The following CSNK1D variants were observed in gnomAD, a reference collection of about 807,000 sequenced individuals.
CSNK1D encodes casein kinase I isoform delta.
In CSNK1D, 16 loss-of-function variants were observed where a neutral mutation model predicts 46.6. That is an observed-to-expected ratio of 0.34 (90% CI 0.23 to 0.52). The LOEUF (loss-of-function observed/expected upper bound fraction) is 0.52. CSNK1D is among the 20% of genes least tolerant of loss of function. CSNK1D has a pLI of 0.95. For synonymous variants in CSNK1D, 276 were observed against 228.2 expected, an observed-to-expected ratio of 1.21 and a Z score of -1.89; for missense variants, 398 against 578.4, an observed-to-expected ratio of 0.69 and a Z score of 3.20.
intron 2 of CSNK1D, among the ~76,000 whole-genome samples, chr17:82,261,326 G>A (rs140014697): frequency 1.1e-3 from 170 of 152,232 alleles, no homozygotes; most frequent in Middle Eastern, 3.4e-3. Flanking sequence ...GTGCTGTCAC[G>A]GTGGGAAGCG....
Position 82,244,221 on chromosome 17 carries a change from C to A in CSNK1D, c.*560G>T. 9.5e-7 allele frequency: 1 copy of A among 1,052,096 alleles called. No individual in the cohort carries two copies. Among genetic ancestry groups the A allele is most frequent in the Non-Finnish European group, 1.2e-6 (1 of 868,480 alleles). The allele number at this position is 1,052,096 out of a possible 1,614,324, so 65.2% of individuals were successfully genotyped here. On this transcript the variant is annotated 3_prime_UTR_variant, in exon 9 of 9. Transcript: ENST00000314028. The stretch of plus-strand genomic sequence containing the variant: ...AACACTGCAAAACAAACACAGCACA[C>A]ACCCTTGAGATCCACCTGCACCTTC...
chr17:82,262,377 C>T (rs2051361958), intron 2 of CSNK1D, among the ~76,000 whole-genome samples: 1 of 152,202 alleles, frequency 6.6e-6, no homozygotes, highest in South Asian at 2.1e-4. Context: ...GGCTGAAGAG[C>T]TCAGTACCCA....
In CSNK1D at chr17:82,252,213, C is replaced by G. The variant is rs367600264; in HGVS notation, c.736+221G>C. Among the ~76,000 whole-genome samples the G allele has an allele frequency of 1.6e-4, 25 of 152,330 alleles. No individual in the cohort carries two copies. In the East Asian group the frequency reaches 4.0e-3, roughly 25 times the overall value. On this transcript the variant is annotated intron_variant, in intron 5 of 8. Coordinates refer to ENST00000314028, the MANE Select transcript of CSNK1D (RefSeq NM_001893.6). This position sits in a 1 kb window ranked among gnomAD's most constrained non-coding sequence, Gnocchi z 4.6. Reference sequence around the variant, plus strand: ...TTGCCTGCCATCTCTCCAGGGCCTCCAAGTACTCCCCACGCTGATGGGCAC... The same window carrying G: ...TTGCCTGCCATCTCTCCAGGGCCTCGAAGTACTCCCCACGCTGATGGGCAC...
In CSNK1D at chr17:82,251,295, C is replaced by A; in HGVS notation, c.885+84G>T. The A allele has an allele frequency of 1.3e-6, 2 of 1,538,114 alleles. No individual in the cohort carries two copies. The highest frequency in any genetic ancestry group is 9.0e-7 in the Non-Finnish European group (1 of 1,115,892). ...AGACACTCCCTATATGGTACAGCCC[C>A]TCAACAAGACGGCCGCCGGCCTCTC... On this transcript the variant is annotated intron_variant, in intron 6 of 8. Coordinates refer to ENST00000314028, the MANE Select transcript of CSNK1D (RefSeq NM_001893.6). The surrounding 1 kb of genome is among the most constrained non-coding windows in gnomAD (Gnocchi z 4.5).
At chr17:82,272,788 C>A (rs902083427) in intron 1 of CSNK1D, among the ~76,000 whole-genome samples, 1 of 152,246 alleles carries the variant, frequency 6.6e-6, no homozygotes, top group Non-Finnish European at 1.5e-5. Context: ...CAGCCCCGGA[C>A]CGGGCTGCGG....
chr17:82,253,806 C>T (rs2051079119), intron 3 of CSNK1D: 4 of 272,430 alleles, frequency 1.5e-5, no homozygotes, highest in South Asian at 3.0e-5. Flanking sequence ...GCTGAGCCGC[C>T]GGAGCCTCGA....
At chr17:82,242,345 C>T (rs1384139341), downstream of CSNK1D, among the ~76,000 whole-genome samples, 19 of 152,228 alleles carry the variant, frequency 1.2e-4, no homozygotes, top group Non-Finnish European at 2.5e-4. Flanking sequence ...AAGGGACATG[C>T]GCTCACCCCA....
downstream of CSNK1D, chr17:82,239,928 AGCAGTGGCCT>A: frequency 8.8e-7 from 1 of 1,131,156 alleles, no homozygotes; most frequent in Non-Finnish European, 1.1e-6. Flanking sequence ...CCTCGTGGCC[AGCAGTGGCCT>A]GCGTGGCTGG....
intron 2 of CSNK1D, among the ~76,000 whole-genome samples, chr17:82,259,105 T>C (rs535545224): frequency 1.4e-4 from 22 of 152,360 alleles, no homozygotes; most frequent in South Asian, 1.0e-3. Flanking sequence ...TCTCTGAACA[T>C]AGAGGAGAAT....
rs1224836470 is a variant in CSNK1D, at chr17:82,244,633, CCCA to C, written c.*145_*147del. On this transcript the variant is annotated 3_prime_UTR_variant, in exon 9 of 9. Coordinates refer to ENST00000314028, the MANE Select transcript of CSNK1D (RefSeq NM_001893.6). ...GAGTCTGTCCGTTTAGTATGTTTCC[CCCA>C]CGAGCGTCGCTGGGTGAGTGGCCTG... 3.9e-6 allele frequency: 6 copies of C among 1,539,432 alleles called. No individual in the cohort carries two copies. The highest frequency in any genetic ancestry group is 4.4e-6 in the Non-Finnish European group (5 of 1,147,946).
chr17:82,273,333 T>C lies in CSNK1D; in HGVS notation c.49A>G (p.Ser17Gly). The change falls in exon 1 of 9, where the codon AGC (serine) becomes GGC (glycine). Residue 17 changes from serine (S) to glycine (G), a missense_variant. Ser to Gly is a moderately conservative substitution (Grantham distance 56). Around this residue, in one of 2 missense-constraint regions of CSNK1D, gnomAD observed 217 missense variants for 370.3 expected, o/e 0.59. Transcript: ENST00000314028. This position sits in a 1 kb window ranked among gnomAD's most constrained non-coding sequence, Gnocchi z 5.1. ...AGATAGATGTCTCCGAAGGAGCCGCTGCCGATCTTCCGGCCCAGCCGGTAC... is the reference window on the plus strand; with the variant it reads ...AGATAGATGTCTCCGAAGGAGCCGCCGCCGATCTTCCGGCCCAGCCGGTAC... ...NRYRLGRKIG[S>G]GSFGDIYLGT... 1 of 1,609,460 alleles carries C rather than the reference T, an allele frequency of 6.2e-7. No homozygotes were observed.
chr17:82,259,727 T>C (rs1336237554), intron 2 of CSNK1D, among the ~76,000 whole-genome samples: 1 of 152,218 alleles, frequency 6.6e-6, no homozygotes, highest in Non-Finnish European at 1.5e-5. Context: ...TACAGCTATG[T>C]AGATGATCAA....
Position 82,252,580 on chromosome 17 carries a change from T to G in CSNK1D, c.590A>C (p.Glu197Ala). 2 of 1,613,798 alleles carry G rather than the reference T, an allele frequency of 1.2e-6. No individual in the cohort carries two copies. Among genetic ancestry groups the G allele is most frequent in the Non-Finnish European group, 1.7e-6 (2 of 1,179,988 alleles). Reference sequence around the variant, plus strand: ...GTACATTAGCACGTAGCCCAGAGACTCCAAGTCATCTCTTCGGGATTGTTC... The same window carrying G: ...GTACATTAGCACGTAGCCCAGAGACGCCAAGTCATCTCTTCGGGATTGTTC... ...GIEQSRRDDL[E>A]SLGYVLMYFN... is the part of the protein sequence containing the mutation. The change falls in exon 5 of 9, where the codon GAG becomes GCG. Residue 197 changes from glutamate (E) to alanine (A), a missense_variant. Glu to Ala is a moderately radical substitution (Grantham distance 107). Transcript: ENST00000314028. This position sits in a 1 kb window ranked among gnomAD's most constrained non-coding sequence, Gnocchi z 4.6.
At chr17:82,262,099 T>G (rs1380367049) in intron 2 of CSNK1D, among the ~76,000 whole-genome samples, 2 of 152,250 alleles carry the variant, frequency 1.3e-5, no homozygotes, top group East Asian at 3.8e-4. Flanking sequence ...TAGGTGTCTA[T>G]CCAAATCTTC....
At chr17:82,254,473 A>G in intron 3 of CSNK1D, 1 of 274,038 alleles carries the variant, frequency 3.6e-6, no homozygotes, top group Non-Finnish European at 6.7e-6. Flanking sequence ...TGGAGAAGCC[A>G]GTGCGCTGAG....
chr17:82,252,710 C>T lies in CSNK1D; in HGVS notation c.566-106G>A. On this transcript the variant is annotated intron_variant, in intron 4 of 8. Transcript: ENST00000314028. This position sits in a 1 kb window ranked among gnomAD's most constrained non-coding sequence, Gnocchi z 4.6. ...GGAGACTAGCCTCAGACACACATGC[C>T]CAGATCACTCCAGCTGGCACTTCCA... 8.7e-7 allele frequency: 1 copy of T among 1,148,150 alleles called. No homozygotes were observed. The highest frequency in any genetic ancestry group is 1.3e-6 in the Non-Finnish European group (1 of 791,114). The allele number at this position is 1,148,150 out of a possible 1,614,324, so 71.1% of individuals were successfully genotyped here.
chr17:82,242,161 G>A (rs2050749129), downstream of CSNK1D, among the ~76,000 whole-genome samples: 1 of 148,698 alleles, frequency 6.7e-6, no homozygotes, highest in Non-Finnish European at 1.5e-5. Flanking sequence ...CCCTGCTCTG[G>A]CAGCCTGACA....
chr17:82,265,334 A>C, intron 2 of CSNK1D: 1 of 351,336 alleles, frequency 2.8e-6, no homozygotes, highest in Non-Finnish European at 5.6e-6. Context: ...GCACGCCATC[A>C]CACTTGGCTA....
At chr17:82,271,693 G>A (rs1164937183) in intron 1 of CSNK1D, among the ~76,000 whole-genome samples, 1 of 152,244 alleles carries the variant, frequency 6.6e-6, no homozygotes, top group Non-Finnish European at 1.5e-5. Flanking sequence ...CCGAAAGTAT[G>A]AGCCACCCAT....
Sources: allele counts gnomAD v4.1 joint callset (sites outside exome capture counted in the v4.1 genomes callset), GRCh38; gene constraint gnomAD v4.1.1; regional missense constraint gnomAD v4.1.1; non-coding constraint Gnocchi (gnomAD v3.1); transcripts MANE v1.5; gene names NCBI Gene and HGNC (gene_info 2026-07-23, HGNC 2026-07-21).